SDK2: variants seen among roughly 807,000 people sequenced by gnomAD.
SDK2 encodes protein sidekick-2.
In SDK2, 105 loss-of-function variants were observed where a neutral mutation model predicts 253.9. The ratio of observed to expected loss-of-function variants is 0.41; its 90% CI spans 0.35 to 0.49. The LOEUF (loss-of-function observed/expected upper bound fraction) is 0.49. Among genes scored for constraint, SDK2 ranks in the 20% least tolerant of loss-of-function variants. SDK2 has a pLI of 0.06. For synonymous variants in SDK2, 1,249 were observed against 1,234.9 expected (o/e 1.01, Z -0.24); for missense variants, 2,608 against 3,003.0 (o/e 0.87, Z 3.07).
chr17:73,372,001 A>C (rs1376344831), intron 36 of SDK2, among the ~76,000 whole-genome samples: 1 of 151,654 alleles, frequency 6.6e-6, no homozygotes, highest in Non-Finnish European at 1.5e-5. Context: ...TAAAAAGAGG[A>C]AACATATCTC....
intron 40 of SDK2, among the ~76,000 whole-genome samples, chr17:73,354,334 C>T (rs1194561260): frequency 2.6e-5 from 4 of 152,200 alleles, no homozygotes; most frequent in Admixed American, 2.0e-4. Flanking sequence ...GGGCCTTGCC[C>T]TCGTGGGACA....
chr17:73,340,879 G>T (rs1420632493), intron 44 of SDK2, among the ~76,000 whole-genome samples: 4 of 151,420 alleles, frequency 2.6e-5, no homozygotes, highest in Non-Finnish European at 1.5e-5. Context: ...GAGTAGCTGG[G>T]ATTACAGGCA....
At chr17:73,386,024 ATCGC>A (rs757920245) in intron 31 of SDK2, 107 bp from the exon 32 acceptor site, 816 of 777,348 alleles carry the variant, frequency 1.0e-3, no homozygotes, top group Middle Eastern at 1.9e-3. Flanking sequence ...GCAGGTCCAG[ATCGC>A]ATCGCCCTCC....
chr17:73,490,372 G>A (rs894717495), intron 2 of SDK2, among the ~76,000 whole-genome samples: 4 of 152,162 alleles, frequency 2.6e-5, no homozygotes, highest in African/African-American at 9.7e-5. Flanking sequence ...TGCTCTAAGG[G>A]ATGGTAGACA....
chr17:73,400,520 C>A (rs1568383212), intron 21 of SDK2, among the ~76,000 whole-genome samples: 1 of 152,128 alleles, frequency 6.6e-6, no homozygotes. Context: ...CAGCAGGGAG[C>A]CAGGGGAGCC....
At chr17:73,474,786 T>C (rs920621276) in intron 2 of SDK2, among the ~76,000 whole-genome samples, 51 of 152,084 alleles carry the variant, frequency 3.4e-4, no homozygotes, top group African/African-American at 1.2e-3. Flanking sequence ...AGAGGGGAGA[T>C]GGAAGAAGAG....
intron 1 of SDK2, among the ~76,000 whole-genome samples, chr17:73,604,571 G>C (rs568804349): frequency 6.6e-6 from 1 of 152,352 alleles, no homozygotes; most frequent in Non-Finnish European, 1.5e-5. Context: ...CCTGGGACTA[G>C]AGAGGCAGGA....
intron 1 of SDK2, among the ~76,000 whole-genome samples, chr17:73,583,439 G>A (rs758669256): frequency 8.5e-5 from 13 of 152,118 alleles, no homozygotes; most frequent in Non-Finnish European, 1.6e-4. Context: ...AACAGTCCCT[G>A]CATCTCGTGA....
intron 10 of SDK2, among the ~76,000 whole-genome samples, chr17:73,432,512 T>C (rs757364582): frequency 3.3e-5 from 5 of 152,098 alleles, no homozygotes; most frequent in Non-Finnish European, 7.4e-5. Context: ...CCCACAAATG[T>C]TTATTGAGTG....
In SDK2 at chr17:73,398,043, G is replaced by A. The variant is rs1472434982; in HGVS notation, c.3346C>T (p.Arg1116Cys). ...CCTCGAGGGAGCCTTACCATCCAGC[G>A]CAGCCACAGGCTGGTCTCACTGGCT... ...RTASETSLWL[R>C]WMPLPEMEYN... is the part of the protein sequence containing the mutation. The change falls in exon 24 of 45, where the codon CGC becomes TGC. Residue 1116 changes from arginine (R) to cysteine (C), a missense_variant. Physicochemically the swap from Arg to Cys is radical, Grantham distance 180 (BLOSUM62 -3). Transcript: ENST00000392650. 5.0e-6 allele frequency: 8 copies of A among 1,611,646 alleles called. No individual in the cohort carries two copies. Among genetic ancestry groups the A allele is most frequent in the South Asian group, 4.4e-5 (4 of 91,060 alleles).
rs749497732 is a variant in SDK2, at chr17:73,433,820, G to T, written c.1224C>A (p.Pro408=). ...TGCCATCGATCACCGTGCTGTCCAGGGGGCCTCTGGTGATGTTAGGGGCGA... is the reference window on the plus strand; with the variant it reads ...TGCCATCGATCACCGTGCTGTCCAGTGGGCCTCTGGTGATGTTAGGGGCGA... The part of the protein sequence containing the change: ...TSIAPNITRG[P]LDSTVIDGMS... The change falls in exon 10 of 45, where the codon CCC becomes CCA. Residue 408 remains proline, a synonymous_variant. Transcript: ENST00000392650. 6 of 1,589,056 alleles carry T rather than the reference G, an allele frequency of 3.8e-6. No homozygotes were observed. Among genetic ancestry groups the T allele is most frequent in the Non-Finnish European group, 5.1e-6 (6 of 1,168,226 alleles).
chr17:73,384,066 C>T (rs1051376908), intron 32 of SDK2, 55 bp from the exon 33 acceptor site: 3 of 1,574,584 alleles, frequency 1.9e-6, no homozygotes, highest in East Asian at 2.3e-5. Flanking sequence ...CCCACCCCTC[C>T]CCACGCTCTC....
chr17:73,488,218 G>A (rs1043947008), intron 2 of SDK2, among the ~76,000 whole-genome samples: 2 of 152,054 alleles, frequency 1.3e-5, no homozygotes, highest in South Asian at 4.1e-4. Context: ...GGGTTTCACC[G>A]TGTTAGCCAG....
At chr17:73,346,573 C>T (rs913968794) in intron 44 of SDK2, among the ~76,000 whole-genome samples, 8 of 152,186 alleles carry the variant, frequency 5.3e-5, no homozygotes, top group Admixed American at 2.0e-4. Context: ...GGGCCCTCTA[C>T]GGGAGAGCCA....
intron 30 of SDK2, 142 bp downstream of exon 30, chr17:73,387,694 G>A: frequency 1.5e-6 from 1 of 685,008 alleles, no homozygotes. Flanking sequence ...TGGACGCGGG[G>A]GCCGCCTGGG....
intron 36 of SDK2, among the ~76,000 whole-genome samples, chr17:73,372,096 G>A (rs770800874): frequency 6.6e-6 from 1 of 152,230 alleles, no homozygotes; most frequent in Non-Finnish European, 1.5e-5. Flanking sequence ...TCATGCTCTT[G>A]GGTGAGGAGT....
chr17:73,636,816 GA>G (rs914888364), intron 1 of SDK2, among the ~76,000 whole-genome samples: 2 of 152,088 alleles, frequency 1.3e-5, no homozygotes, highest in East Asian at 3.9e-4. Flanking sequence ...AGGCCATTTG[GA>G]GGGGCAAGCA....
intron 1 of SDK2, among the ~76,000 whole-genome samples, chr17:73,606,214 G>A (rs564829327): frequency 6.6e-6 from 1 of 152,288 alleles, no homozygotes; most frequent in Admixed American, 6.5e-5. Flanking sequence ...AGAGGCTGAC[G>A]TTCTCAGGGG....
At chr17:73,611,163 G>T (rs766729856) in intron 1 of SDK2, among the ~76,000 whole-genome samples, 3 of 152,192 alleles carry the variant, frequency 2.0e-5, no homozygotes, top group Non-Finnish European at 4.4e-5. Flanking sequence ...GAGGGTCAAA[G>T]ACTTCTGGTT....
Sources: gnomAD v4.1 joint callset for allele counts (sites outside exome capture counted in the v4.1 genomes callset) on GRCh38, gnomAD v4.1.1 for gene constraint, MANE v1.5 for transcripts, NCBI Gene and HGNC (gene_info 2026-07-23, HGNC 2026-07-21) for gene names.